TMEM59L: variants seen among roughly 807,000 people sequenced by gnomAD.
TMEM59L encodes transmembrane protein 59 like, also known as transmembrane protein 59-like.
TMEM59L carries 31 observed loss-of-function variants against 39.6 expected under a neutral mutation model. That is an observed-to-expected ratio of 0.78 (90% confidence interval 0.59 to 1.06). The LOEUF is 1.06. Ranked by LOEUF, TMEM59L falls within the 50% of genes least tolerant of loss-of-function variation. The pLI is 0.00. For synonymous variants in TMEM59L, 219 were observed against 202.9 expected, an observed-to-expected ratio of 1.08 and a Z score of -0.68; for missense variants, 441 against 451.3, an observed-to-expected ratio of 0.98 and a Z score of 0.21.
chr19:18,615,517 C>T (rs947926397), intron 3 of TMEM59L, among the ~76,000 whole-genome samples: 1 of 152,238 alleles, frequency 6.6e-6, no homozygotes, highest in Non-Finnish European at 1.5e-5. Context: ...ACGCTGAGAT[C>T]TGTGTTCACT....
chr19:18,613,614 C>G (rs560295388), intron 1 of TMEM59L, among the ~76,000 whole-genome samples: 3 of 152,248 alleles, frequency 2.0e-5, no homozygotes, highest in Admixed American at 1.3e-4. Flanking sequence ...CTCCCCTCCT[C>G]CCTGGAACCT....
intron 5 of TMEM59L, chr19:18,617,701 G>A (rs1389454618): frequency 1.1e-5 from 5 of 444,810 alleles, no homozygotes; most frequent in South Asian, 8.0e-5. Flanking sequence ...CATCCCCCAG[G>A]GTTCTGCAGT....
At chr19:18,614,282 G>A in intron 3 of TMEM59L, 87 bp downstream of exon 3, 1 of 1,419,942 alleles carries the variant, frequency 7.0e-7, no homozygotes, top group African/African-American at 1.4e-5. Context: ...ACGTGCAGAG[G>A]CTCTGCCAGA....
chr19:18,618,704 A>AT (rs71166534), intron 7 of TMEM59L, among the ~76,000 whole-genome samples: 29,861 of 138,978 alleles, frequency 0.21, 3,811 homozygotes, highest in East Asian at 0.53. Flanking sequence ...ATATATATAT[A>AT]TTTTTTTTGA....
At position 18,613,942 on chromosome 19, in the gene TMEM59L, G is replaced by C. The variant is rs770778479; in HGVS notation, c.242G>C (p.Cys81Ser). ...CTGATCAGCGCTTGCGAGCGTGGCT[G>C]CCGCCTCTTCTCCATCTGCCGATTT... Reference protein sequence around the residue: ...AVLISACERGCRLFSICRFVA... With the variant: ...AVLISACERGSRLFSICRFVA... The change falls in exon 2 of 8, where the codon TGC (cysteine) becomes TCC (serine). Residue 81 changes from cysteine (C) to serine (S), a missense_variant. Transcript: ENST00000262817. 2 of 1,613,104 alleles carry C rather than the reference G, an allele frequency of 1.2e-6. No individual in the cohort carries two copies. Among genetic ancestry groups the C allele is most frequent in the South Asian group, 1.1e-5 (1 of 91,078 alleles).
At position 18,618,703 on chromosome 19, in the gene TMEM59L, TA is replaced by T. The variant is rs201477282; in HGVS notation, c.900+212del. ...TATATATATATAATATATATATATATATTTTTTTTGAGATGGAGTCTTGCTC... is the reference window on the plus strand; with the variant it reads ...TATATATATATAATATATATATATATTTTTTTTTGAGATGGAGTCTTGCTC... On this transcript the variant is annotated intron_variant, in intron 7 of 7. Transcript: ENST00000262817. 5.5e-3 allele frequency among the ~76,000 whole-genome samples: 415 copies of T among 75,008 alleles called. 7 individuals are homozygous for T. The highest frequency in any genetic ancestry group is 0.013 in the African/African-American group (327 of 25,960). The allele number at this position is 75,008 out of a possible 152,430, so 49.2% of individuals were successfully genotyped here. A position where few individuals can be genotyped will look rare whatever the true frequency, so the allele number is the denominator to read the frequency against.
chr19:18,619,973 T>TCACACA lies in TMEM59L; in HGVS notation c.901-392_901-387dup, dbSNP rs57681167. Among the ~76,000 whole-genome samples the TCACACA allele has an allele frequency of 5.6e-3, 657 of 116,906 alleles. 5 individuals carry two copies. Among genetic ancestry groups the TCACACA allele is most frequent in the Non-Finnish European group, 7.5e-3 (428 of 56,924 alleles). 76.7% of individuals were successfully genotyped at this position (116,906 alleles called of 152,430 possible). A position where few individuals can be genotyped will look rare whatever the true frequency, so the allele number is the denominator to read the frequency against. On this transcript the variant is annotated intron_variant, in intron 7 of 7. Coordinates refer to ENST00000262817, the MANE Select transcript of TMEM59L (RefSeq NM_012109.3). ...AGCCTGGACAACAGAGAAGACCCCA[T>TCACACA]CACACACACACACACACACACACAC...
chr19:18,619,973 TCACACACACACACACACA>T lies in TMEM59L; in HGVS notation c.901-404_901-387del, dbSNP rs57681167. On this transcript the variant is annotated intron_variant, in intron 7 of 7. Coordinates refer to ENST00000262817, the MANE Select transcript of TMEM59L (RefSeq NM_012109.3). ...AGCCTGGACAACAGAGAAGACCCCA[TCACACACACACACACACA>T]CACACACACACACACACACACACAC... is the stretch of plus-strand genomic sequence containing the variant. Among the ~76,000 whole-genome samples, 500 of 116,888 alleles carry T rather than the reference TCACACACACACACACACA, an allele frequency of 4.3e-3. 2 individuals carry two copies. The highest frequency in any genetic ancestry group is 0.015 in the African/African-American group (452 of 29,580). 76.7% of individuals were successfully genotyped at this position (116,888 alleles called of 152,430 possible).
At position 18,613,229 on chromosome 19, in the gene TMEM59L, T is replaced by C. The variant is rs909310435; in HGVS notation, c.171+100T>C. On this transcript the variant is annotated intron_variant, in intron 1 of 7. Coordinates refer to ENST00000262817, the MANE Select transcript of TMEM59L (RefSeq NM_012109.3). ...TCTCTTGGATGACAGCAGGAGACTT[T>C]GGTGGGGGTGTCCGTGGGGAGGTGG... 9.3e-6 allele frequency: 9 copies of C among 966,588 alleles called. No individual in the cohort carries two copies. In the Admixed American group the frequency reaches 2.7e-4, roughly 29 times the overall value. 59.9% of individuals were successfully genotyped at this position (966,588 alleles called of 1,614,324 possible).
In TMEM59L at chr19:18,613,936, G is replaced by T; in HGVS notation, c.236G>T (p.Arg79Leu). 1 of 1,613,016 alleles carries T rather than the reference G, an allele frequency of 6.2e-7. No homozygotes were observed. Among genetic ancestry groups the T allele is most frequent in the Non-Finnish European group, 8.5e-7 (1 of 1,180,012 alleles). Residue 79 changes from arginine to leucine, a missense_variant, in exon 2 of 8, where the codon CGT becomes CTT. By Grantham distance (102) the Arg-to-Leu change is moderately radical (BLOSUM62 -2). Transcript: ENST00000262817. ...DRAVLISACE[R>L]GCRLFSICRF... Reference sequence around the variant, plus strand: ...GCCGTTCTGATCAGCGCTTGCGAGCGTGGCTGCCGCCTCTTCTCCATCTGC... The same window carrying T: ...GCCGTTCTGATCAGCGCTTGCGAGCTTGGCTGCCGCCTCTTCTCCATCTGC...
At chr19:18,616,264 C>T in intron 4 of TMEM59L, 137 bp downstream of exon 4, 8 of 971,766 alleles carry the variant, frequency 8.2e-6, no homozygotes, top group Non-Finnish European at 1.1e-5. Flanking sequence ...TCCAGGGGCT[C>T]AGTGTCTCAC....
intron 7 of TMEM59L, among the ~76,000 whole-genome samples, chr19:18,618,712 TGA>T: frequency 6.8e-6 from 1 of 147,516 alleles, no homozygotes; most frequent in African/African-American, 2.5e-5. Context: ...ATATTTTTTT[TGA>T]GATGGAGTCT....
At position 18,620,668 on chromosome 19, in the gene TMEM59L, G is replaced by A. The variant is rs1473562445; in HGVS notation, c.*132G>A. 6 of 1,328,442 alleles carry A rather than the reference G, an allele frequency of 4.5e-6. No homozygotes were observed. The African/African-American group carries it at 8.8e-5, about 20-fold the overall frequency. 82.3% of individuals were successfully genotyped at this position (1,328,442 alleles called of 1,614,324 possible). A position where few individuals can be genotyped will look rare whatever the true frequency, so the allele number is the denominator to read the frequency against. On this transcript the variant is annotated 3_prime_UTR_variant, in exon 8 of 8. Coordinates refer to ENST00000262817, the MANE Select transcript of TMEM59L (RefSeq NM_012109.3). ...CCCCCAAATCCTTCCTCTCCTCCCA[G>A]TCCCACCCCTTGCCCCACGGAGTCC...
Position 18,620,754 on chromosome 19 carries a change from C to A in TMEM59L, c.*218C>A. On this transcript the variant is annotated 3_prime_UTR_variant, in exon 8 of 8. Transcript: ENST00000262817. ...ATCGGGCACTGGTTCCTCCTTGTCCCCGCTTTCTTGGGGGCTTGCTACTTT... is the reference window on the plus strand; with the variant it reads ...ATCGGGCACTGGTTCCTCCTTGTCCACGCTTTCTTGGGGGCTTGCTACTTT... The A allele has an allele frequency of 1.9e-6, 1 of 536,056 alleles. No individual in the cohort carries two copies. The highest frequency in any genetic ancestry group is 3.0e-6 in the Non-Finnish European group (1 of 329,008). The allele number at this position is 536,056 out of a possible 1,614,324, so 33.2% of individuals were successfully genotyped here. A position where few individuals can be genotyped will look rare whatever the true frequency, so the allele number is the denominator to read the frequency against.
rs1253489013 is a variant in TMEM59L at position 18,616,994 on chromosome 19, G to A, written c.562-6G>A. On this transcript the variant is annotated splice_region_variant and splice_polypyrimidine_tract_variant and intron_variant, in intron 4 of 7. Transcript: ENST00000262817. Reference sequence around the variant, plus strand: ...GCCTCTCTGTGCTGTCTTGTTCCTGGCCCAGACTCAGCCCATAGTGGAGAG... The same window carrying A: ...GCCTCTCTGTGCTGTCTTGTTCCTGACCCAGACTCAGCCCATAGTGGAGAG... 2.5e-6 allele frequency: 4 copies of A among 1,602,556 alleles called. No individual in the cohort carries two copies. In the African/African-American group the frequency reaches 5.4e-5, roughly 21 times the overall value.
At chr19:18,617,919 T>C in intron 5 of TMEM59L, 3 of 568,332 alleles carry the variant, frequency 5.3e-6, no homozygotes, top group Middle Eastern at 2.7e-4. Flanking sequence ...CAGGGTTCCA[T>C]GGTTCATCTC....
In TMEM59L at chr19:18,620,682, C is replaced by A; in HGVS notation, c.*146C>A. On this transcript the variant is annotated 3_prime_UTR_variant, in exon 8 of 8. Coordinates refer to ENST00000262817, the MANE Select transcript of TMEM59L (RefSeq NM_012109.3). ...CTCTCCTCCCAGTCCCACCCCTTGC[C>A]CCACGGAGTCCTGGGGACGCAGTGC... The A allele has an allele frequency of 8.0e-7, 1 of 1,251,502 alleles. No individual in the cohort carries two copies. The highest frequency in any genetic ancestry group is 1.1e-6 in the Non-Finnish European group (1 of 945,082). 77.5% of individuals were successfully genotyped at this position (1,251,502 alleles called of 1,614,324 possible).
At chr19:18,614,056 G>A (rs1330166394) in intron 2 of TMEM59L, 40 bp downstream of exon 2, 1 of 1,612,848 alleles carries the variant, frequency 6.2e-7, no homozygotes, top group Non-Finnish European at 8.5e-7. Context: ...GTGGGGAGAG[G>A]TGGCCTGGGA....
In TMEM59L at chr19:18,612,937, G is replaced by T; in HGVS notation, c.-22G>T. On this transcript the variant is annotated 5_prime_UTR_variant, in exon 1 of 8. Transcript: ENST00000262817. The surrounding 1 kb of genome is among the most constrained non-coding windows in gnomAD (Gnocchi z 6.2). The stretch of plus-strand genomic sequence containing the variant: ...CCCGGCCTGAGCTGGAGTCCCCCGC[G>T]CCCCCCGCGTTCCGCCCGGCCATGG... 1 of 1,289,380 alleles carries T rather than the reference G, an allele frequency of 7.8e-7. No homozygotes were observed. The highest frequency in any genetic ancestry group is 9.8e-7 in the Non-Finnish European group (1 of 1,022,526). The allele number at this position is 1,289,380 out of a possible 1,614,324, so 79.9% of individuals were successfully genotyped here. A position where few individuals can be genotyped will look rare whatever the true frequency, so the allele number is the denominator to read the frequency against.
Sources: gnomAD v4.1 joint callset for allele counts (sites outside exome capture counted in the v4.1 genomes callset) on GRCh38, gnomAD v4.1.1 for gene constraint, Gnocchi (gnomAD v3.1) non-coding constraint, MANE v1.5 for transcripts, NCBI Gene and HGNC (gene_info 2026-07-23, HGNC 2026-07-21) for gene names.